Variants in CPLX2 observed in about 807,000 individuals in gnomAD.
The protein encoded by CPLX2 is complexin-2.
A neutral mutation model predicts 16.3 loss-of-function variants in CPLX2; 5 were observed. The ratio of observed to expected loss-of-function variants is 0.31; its 90% CI spans 0.16 to 0.64. CPLX2 has a LOEUF of 0.64. Among genes scored for constraint, CPLX2 ranks in the 30% least tolerant of loss-of-function variants. The probability of loss-of-function intolerance (pLI) is 0.79; values close to 1 mark genes in which losing one functional copy is unlikely to be tolerated. For synonymous variants in CPLX2, 89 were observed against 73.2 expected (o/e 1.22, Z -1.10); for missense variants, 144 against 181.4 (o/e 0.79, Z 1.18).
chr5:175,825,057 G>A (rs1049170167), intron 2 of CPLX2, among the ~76,000 whole-genome samples: 7 of 152,124 alleles, frequency 4.6e-5, no homozygotes, highest in Admixed American at 3.3e-4. Context: ...AGAAAACAGG[G>A]TTAAAGAAAA....
intron 1 of CPLX2, chr5:175,878,066 AT>A (rs2113714512): frequency 6.6e-6 from 1 of 152,386 alleles, no homozygotes; most frequent in East Asian, 1.9e-4. Flanking sequence ...CGTATTTTCC[AT>A]TTGTCTAATT....
chr5:175,828,966 C>A (rs67072980), intron 2 of CPLX2, among the ~76,000 whole-genome samples: 33,271 of 151,938 alleles, frequency 0.22, 3,828 homozygotes, highest in Middle Eastern at 0.27. Context: ...AGGAAACTAA[C>A]CACTGGAGCC....
At chr5:175,811,347 C>T (rs1359253171) in intron 2 of CPLX2, among the ~76,000 whole-genome samples, 1 of 152,114 alleles carries the variant, frequency 6.6e-6, no homozygotes, top group East Asian at 1.9e-4. Flanking sequence ...TTCTCCAGCC[C>T]CTGGTGCAAG....
In CPLX2 at chr5:175,880,021, G is replaced by A. The variant is rs565621803; in HGVS notation, c.381G>A (p.Pro127=). The A allele has an allele frequency of 2.5e-4, 407 of 1,613,296 alleles. No individual in the cohort carries two copies. The highest frequency in any genetic ancestry group is 3.2e-4 in the Non-Finnish European group (380 of 1,179,658). The change falls in exon 4 of 4, where the codon CCG becomes CCA. Residue 127 remains proline (P), a synonymous_variant. Coordinates refer to ENST00000393745, the MANE Select transcript of CPLX2 (RefSeq NM_001008220.2). ...CGGTGCTCAAATACCTGCCCGGGCC[G>A]CTGCAGGACATGTTCAAGAAGTAAC... ...LDTVLKYLPG[P]LQDMFKK is the part of the protein sequence containing the mutation.
rs11747985 is a variant in CPLX2 at position 175,880,370 on chromosome 5, G to T, written c.*325G>T. The T allele has an allele frequency of 2.5e-6, 1 of 406,330 alleles. No individual in the cohort carries two copies. Among genetic ancestry groups the T allele is most frequent in the Non-Finnish European group, 4.7e-6 (1 of 213,282 alleles). The allele number at this position is 406,330 out of a possible 1,614,324, so 25.2% of individuals were successfully genotyped here. ...CCTCCCTGCTCCCCACTGCCAGGAG[G>T]ACCACTGTCCCCAGCCAGCCAAAGT... On this transcript the variant is annotated 3_prime_UTR_variant, in exon 4 of 4. Transcript: ENST00000393745.
intron 1 of CPLX2, among the ~76,000 whole-genome samples, chr5:175,876,920 T>G (rs530967198): frequency 6.6e-6 from 1 of 152,336 alleles, no homozygotes; most frequent in African/African-American, 2.4e-5. Context: ...AATTCGGGGT[T>G]AGGAGGGTGG....
At chr5:175,818,050 C>A (rs531604690) in intron 2 of CPLX2, among the ~76,000 whole-genome samples, 2 of 152,262 alleles carry the variant, frequency 1.3e-5, no homozygotes, top group East Asian at 3.9e-4. Flanking sequence ...TGAGCATAAG[C>A]GCAAGAAATG....
chr5:175,831,238 A>C (rs1482033055), intron 2 of CPLX2, among the ~76,000 whole-genome samples: 1 of 152,090 alleles, frequency 6.6e-6, no homozygotes, highest in Non-Finnish European at 1.5e-5. Flanking sequence ...AGAATGTTAG[A>C]AGTAGGAAGA....
intron 2 of CPLX2, among the ~76,000 whole-genome samples, chr5:175,854,462 G>T (rs1759214698): frequency 6.6e-6 from 1 of 152,142 alleles, no homozygotes; most frequent in African/African-American, 2.4e-5. Context: ...GCCTCAGTTT[G>T]CCCTTCAGTG....
intron 2 of CPLX2, among the ~76,000 whole-genome samples, chr5:175,840,720 T>C (rs1243590157): frequency 6.6e-6 from 1 of 152,202 alleles, no homozygotes. Flanking sequence ...TCACCTCTTC[T>C]GTATTAGGCT....
At chr5:175,847,573 C>G (rs17830211) in intron 2 of CPLX2, among the ~76,000 whole-genome samples, 3 of 152,224 alleles carry the variant, frequency 2.0e-5, no homozygotes, top group East Asian at 3.8e-4. Context: ...ACTCCAGGAA[C>G]CTTGCCTGAG....
Position 175,825,937 on chromosome 5 carries a change from C to CAAAAAAAAAAAAAAAAA in CPLX2, c.-89+16875_-89+16891dup, listed in dbSNP as rs35250246. ...GGAAGTGGTTTTAAATGAATAAGTG[C>CAAAAAAAAAAAAAAAAA]AAAAAAAAAAAAAAAAAAAAAAGCC... On this transcript the variant is annotated intron_variant, in intron 2 of 4. Coordinates refer to the CPLX2 transcript ENST00000359546. 4.5e-5 allele frequency among the ~76,000 whole-genome samples: 2 copies of CAAAAAAAAAAAAAAAAA among 44,418 alleles called. 1 individual carries two copies. 29.1% of individuals were successfully genotyped at this position (44,418 alleles called of 152,430 possible).
upstream of CPLX2, among the ~76,000 whole-genome samples, chr5:175,870,859 T>C (rs889627641): frequency 2.6e-5 from 4 of 152,198 alleles, no homozygotes; most frequent in Admixed American, 6.5e-5. Context: ...CTTCTCTTTC[T>C]GGGTGCGCAG....
chr5:175,860,447 A>G (rs1273214492), intron 2 of CPLX2, among the ~76,000 whole-genome samples: 1 of 127,744 alleles, frequency 7.8e-6, no homozygotes, highest in African/African-American at 3.6e-5. Context: ...AAAGAGAAAG[A>G]AAGAGAGAGA....
chr5:175,816,146 G>C (rs1205635164), intron 2 of CPLX2, among the ~76,000 whole-genome samples: 1 of 152,160 alleles, frequency 6.6e-6, no homozygotes, highest in Non-Finnish European at 1.5e-5. Context: ...AGCAGCGGAA[G>C]AGAGTGAGTG....
chr5:175,814,679 A>G (rs1287453892), intron 2 of CPLX2, among the ~76,000 whole-genome samples: 1 of 152,148 alleles, frequency 6.6e-6, no homozygotes, highest in Admixed American at 6.5e-5. Context: ...GGGGTTATCG[A>G]GGTTATCAGA....
intron 2 of CPLX2, among the ~76,000 whole-genome samples, chr5:175,834,986 G>A (rs561367984): frequency 1.3e-5 from 2 of 152,232 alleles, no homozygotes; most frequent in Non-Finnish European, 2.9e-5. Context: ...GGGACAACAG[G>A]AGGGGCAAAG....
At chr5:175,824,737 G>C (rs973621444) in intron 2 of CPLX2, among the ~76,000 whole-genome samples, 2 of 152,240 alleles carry the variant, frequency 1.3e-5, no homozygotes, top group Admixed American at 6.5e-5. Context: ...TCGGAAGGCT[G>C]AGATTGACAT....
At chr5:175,858,815 C>T (rs1261832081) in intron 2 of CPLX2, among the ~76,000 whole-genome samples, 1 of 152,198 alleles carries the variant, frequency 6.6e-6, no homozygotes, top group Non-Finnish European at 1.5e-5. Flanking sequence ...TTGATAAAAC[C>T]CAAGAAAGCT....
Sources: allele counts gnomAD v4.1 joint callset (sites outside exome capture counted in the v4.1 genomes callset), GRCh38; gene constraint gnomAD v4.1.1; transcripts MANE v1.5; gene names NCBI Gene and HGNC (gene_info 2026-07-23, HGNC 2026-07-21).